Variants in CFAP61 observed in about 807,000 individuals in gnomAD.
The protein encoded by CFAP61 is cilia- and flagella-associated protein 61.
A neutral mutation model predicts 135.6 loss-of-function variants in CFAP61; 107 were observed. That is an observed-to-expected ratio of 0.79 (90% CI 0.67 to 0.93). The LOEUF (loss-of-function observed/expected upper bound fraction) is 0.93, where lower values mean the gene tolerates loss of function less well. Ranked by LOEUF, CFAP61 falls within the 40% of genes least tolerant of loss-of-function variation. CFAP61 has a pLI of 0.00. For missense variants in CFAP61, 1,507 were observed against 1,556.2 expected (o/e 0.97, Z 0.53); for synonymous variants, 575 against 578.5 (o/e 0.99, Z 0.09).
At chr20:20,218,587 T>C (rs1198495949) in intron 17 of CFAP61, among the ~76,000 whole-genome samples, 2 of 152,224 alleles carry the variant, frequency 1.3e-5, no homozygotes, top group African/African-American at 4.8e-5. Context: ...TTTAACCCAC[T>C]GTATTTTGGC....
intron 8 of CFAP61, among the ~76,000 whole-genome samples, chr20:20,117,050 C>T (rs1257409484): frequency 2.6e-5 from 4 of 152,056 alleles, no homozygotes; most frequent in African/African-American, 9.7e-5. Context: ...TTATTGATGC[C>T]TTCGTCAAAA....
At chr20:20,141,954 G>A (rs6081892) in intron 8 of CFAP61, among the ~76,000 whole-genome samples, 31,111 of 152,084 alleles carry the variant, frequency 0.2, 3,560 homozygotes, top group African/African-American at 0.29. Flanking sequence ...CATGAGCAGG[G>A]TGTCCTAGGG....
intron 13 of CFAP61, among the ~76,000 whole-genome samples, chr20:20,170,663 A>G (rs868731249): frequency 4.6e-5 from 7 of 152,196 alleles, no homozygotes; most frequent in Admixed American, 6.5e-5. Flanking sequence ...AGCTCACTCT[A>G]TAATTGCTGT....
intron 13 of CFAP61, among the ~76,000 whole-genome samples, chr20:20,180,322 C>CT (rs1174296697): frequency 1.3e-5 from 2 of 149,986 alleles, no homozygotes; most frequent in African/African-American, 4.9e-5. Flanking sequence ...GAGTGAGACT[C>CT]TGTCTCAAAA....
intron 20 of CFAP61, among the ~76,000 whole-genome samples, chr20:20,253,144 A>ATTTTCTTTCC (rs1555928809): frequency 1.3e-5 from 2 of 149,940 alleles, no homozygotes; most frequent in Admixed American, 1.3e-4. Flanking sequence ...GAGATGCTAC[A>ATTTTCTTTCC]TTTTCTTTTC....
intron 6 of CFAP61, among the ~76,000 whole-genome samples, chr20:20,078,870 A>G (rs1041469323): frequency 4.6e-5 from 7 of 152,222 alleles, no homozygotes; most frequent in Non-Finnish European, 1.0e-4. Context: ...ACTGACCAAG[A>G]AAAAAGACAA....
At chr20:20,196,461 AC>A in intron 15 of CFAP61, 108 bp from the exon 16 acceptor site, 1 of 784,306 alleles carries the variant, frequency 1.3e-6, no homozygotes, top group Non-Finnish European at 2.1e-6. Context: ...AGAGAAAAAT[AC>A]GTTTCTTACT....
At chr20:20,317,649 G>T (rs1378601931) in intron 25 of CFAP61, among the ~76,000 whole-genome samples, 2 of 152,134 alleles carry the variant, frequency 1.3e-5, no homozygotes, top group East Asian at 1.9e-4. Context: ...CCACTCTTTG[G>T]ATCCCACGGT....
chr20:20,085,528 C>A (rs187730443), intron 6 of CFAP61: 1 of 1,366,310 alleles, frequency 7.3e-7, no homozygotes, highest in Non-Finnish European at 9.8e-7. Context: ...CAGAAGAATT[C>A]GTGTTGAGGT....
intron 7 of CFAP61, chr20:20,095,559 T>G (rs1167410672): frequency 2.0e-5 from 3 of 152,302 alleles, no homozygotes; most frequent in African/African-American, 7.2e-5. Context: ...TCATACAAGT[T>G]CCTTGTCATA....
At chr20:20,265,651 AT>A in intron 21 of CFAP61, 1 of 637,998 alleles carries the variant, frequency 1.6e-6, no homozygotes, top group East Asian at 2.6e-5. Context: ...CTGGTGCTTA[AT>A]GACTCCCCCA....
chr20:20,338,774 C>G (rs1052767227), intron 25 of CFAP61, among the ~76,000 whole-genome samples: 14 of 152,234 alleles, frequency 9.2e-5, no homozygotes, highest in Non-Finnish European at 1.3e-4. Flanking sequence ...TTCACATCCC[C>G]ACTCAGTTCA....
chr20:20,173,250 G>T (rs1329129361), intron 13 of CFAP61, among the ~76,000 whole-genome samples: 1 of 152,154 alleles, frequency 6.6e-6, no homozygotes, highest in East Asian at 1.9e-4. Context: ...TCATGTGTAG[G>T]TTTTTATGTG....
intron 20 of CFAP61, 137 bp downstream of exon 20, chr20:20,251,900 A>C (rs933231702): frequency 2.7e-5 from 24 of 891,100 alleles, no homozygotes; most frequent in Non-Finnish European, 3.4e-5. Flanking sequence ...AATTCATAAA[A>C]GCACCCTTCA....
chr20:20,285,003 C>T (rs906205192), intron 22 of CFAP61, among the ~76,000 whole-genome samples: 5 of 152,198 alleles, frequency 3.3e-5, no homozygotes, highest in Non-Finnish European at 7.4e-5. Context: ...TTTAGTTTTG[C>T]TCCATCTGAA....
chr20:20,284,149 A>C (rs1450000981), intron 22 of CFAP61, among the ~76,000 whole-genome samples: 1 of 151,940 alleles, frequency 6.6e-6, no homozygotes, highest in Non-Finnish European at 1.5e-5. Context: ...CCATTTTATT[A>C]TTTGTTTACT....
At chr20:20,145,987 A>G (rs192261624) in intron 9 of CFAP61, among the ~76,000 whole-genome samples, 15 of 152,358 alleles carry the variant, frequency 9.8e-5, no homozygotes, top group Admixed American at 5.9e-4. Flanking sequence ...GACAGTGTTG[A>G]CCAGCCTTGC....
chr20:20,191,706 T>C (rs974769861), intron 15 of CFAP61, among the ~76,000 whole-genome samples: 1 of 151,556 alleles, frequency 6.6e-6, no homozygotes, highest in Non-Finnish European at 1.5e-5. Flanking sequence ...ATATTCCATA[T>C]ATTAATATGT....
At chr20:20,259,571 C>T (rs1347804470) in intron 20 of CFAP61, 1 of 152,008 alleles carries the variant, frequency 6.6e-6, no homozygotes, top group African/African-American at 2.4e-5. Flanking sequence ...CCATGCCTGG[C>T]CCTCTTTCTA....
Sources: gnomAD v4.1 joint callset for allele counts (sites outside exome capture counted in the v4.1 genomes callset) on GRCh38, gnomAD v4.1.1 for gene constraint, MANE v1.5 for transcripts, NCBI Gene and HGNC (gene_info 2026-07-23, HGNC 2026-07-21) for gene names.